UTP23: variants seen among roughly 807,000 people sequenced by gnomAD.
UTP23 encodes rRNA-processing protein UTP23 homolog.
Under a neutral mutation model 19.8 loss-of-function variants are expected in UTP23, and 10 were observed. The ratio of observed to expected loss-of-function variants is 0.50; its 90% CI spans 0.31 to 0.86. The LOEUF (loss-of-function observed/expected upper bound fraction) is 0.86, where lower values mean the gene tolerates loss of function less well. UTP23 is among the 40% of genes least tolerant of loss of function. The pLI is 0.05. For synonymous variants in UTP23, 108 were observed against 105.4 expected, an observed-to-expected ratio of 1.02 and a Z score of -0.15; for missense variants, 282 against 293.1, an observed-to-expected ratio of 0.96 and a Z score of 0.28.
Position 116,773,948 on chromosome 8 carries a change from CCCT to C in UTP23, c.*2107_*2109del. The C allele has an allele frequency of 1.0e-6, 1 of 985,216 alleles. No individual in the cohort carries two copies. Among genetic ancestry groups the C allele is most frequent in the Non-Finnish European group, 1.2e-6 (1 of 829,810 alleles). 61.0% of individuals were successfully genotyped at this position (985,216 alleles called of 1,614,324 possible). ...CAGTTTTTTTGTGTGTGAATACTAT[CCCT>C]ATACCACTACCCCTAAAACCTCAGA... On this transcript the variant is annotated 3_prime_UTR_variant, in exon 3 of 3. Transcript: ENST00000309822.
In UTP23 at chr8:116,773,810, A is replaced by AAAAT. The variant is rs776918011; in HGVS notation, c.*1983_*1986dup. On this transcript the variant is annotated 3_prime_UTR_variant, in exon 3 of 3. Coordinates refer to ENST00000309822, the MANE Select transcript of UTP23 (RefSeq NM_032334.3). ...GGTGAGAGAGTGAAACCCCGTCTCA[A>AAAAT]AAATAAATAAATAAATAAGTTTACT... The AAAAT allele has an allele frequency of 9.6e-6, 7 of 726,778 alleles. No individual in the cohort carries two copies. In the South Asian group the frequency reaches 3.8e-4, roughly 39 times the overall value. The allele number at this position is 726,778 out of a possible 1,614,324, so 45.0% of individuals were successfully genotyped here.
Position 116,770,191 on chromosome 8 carries a change from G to A in UTP23, c.189-1G>A. On this transcript the variant is annotated splice_acceptor_variant, in intron 1 of 2. Coordinates refer to ENST00000309822, the MANE Select transcript of UTP23 (RefSeq NM_032334.3). LOFTEE classifies it high-confidence loss of function. Reference sequence around the variant, plus strand: ...GTATCTGCTATAATTTTTCTTTTCAGATGTGTGTTAAAAGAGCTAGAAACA... The same window carrying A: ...GTATCTGCTATAATTTTTCTTTTCAAATGTGTGTTAAAAGAGCTAGAAACA... 1 of 1,588,638 alleles carries A rather than the reference G, an allele frequency of 6.3e-7. No homozygotes were observed. The highest frequency in any genetic ancestry group is 8.6e-7 in the Non-Finnish European group (1 of 1,161,856).
chr8:116,773,525 AT>A lies in UTP23; in HGVS notation c.*1687del. The A allele has an allele frequency of 1.0e-6, 1 of 982,308 alleles. No homozygotes were observed. The highest frequency in any genetic ancestry group is 1.2e-6 in the Non-Finnish European group (1 of 827,122). The allele number at this position is 982,308 out of a possible 1,614,324, so 60.8% of individuals were successfully genotyped here. A position where few individuals can be genotyped will look rare whatever the true frequency, so the allele number is the denominator to read the frequency against. ...ATTACAATGTATTAGTAAGTTTAAT[AT>A]TTTGACAGGGCATGGTGGCTCACAC... is the stretch of plus-strand genomic sequence containing the variant. On this transcript the variant is annotated 3_prime_UTR_variant, in exon 3 of 3. Coordinates refer to ENST00000309822, the MANE Select transcript of UTP23 (RefSeq NM_032334.3).
Position 116,766,696 on chromosome 8 carries a change from C to T in UTP23, c.93C>T (p.Asp31=). 1 of 1,613,544 alleles carries T rather than the reference C, an allele frequency of 6.2e-7. No individual in the cohort carries two copies. Among genetic ancestry groups the T allele is most frequent in the African/African-American group, 1.3e-5 (1 of 75,052 alleles). ...GVREPYQILL[D]GTFCQAALRG... ...GCGAGCCGTACCAGATCCTGCTGGACGGCACCTTCTGTCAGGCGGCGCTGC... is the reference window on the plus strand; with the variant it reads ...GCGAGCCGTACCAGATCCTGCTGGATGGCACCTTCTGTCAGGCGGCGCTGC... The change falls in exon 1 of 3, where the codon GAC becomes GAT. Residue 31 remains aspartate, a synonymous_variant. Coordinates refer to ENST00000309822, the MANE Select transcript of UTP23 (RefSeq NM_032334.3).
chr8:116,774,340 T>A lies in UTP23; in HGVS notation c.*2498T>A. On this transcript the variant is annotated 3_prime_UTR_variant, in exon 3 of 3. Coordinates refer to ENST00000309822, the MANE Select transcript of UTP23 (RefSeq NM_032334.3). ...CTTTAGAACAGCTTTGAAACTAGAG[T>A]TTCAAAGGTAAAAGGATCTCATGTT... 4 of 984,980 alleles carry A rather than the reference T, an allele frequency of 4.1e-6. No individual in the cohort carries two copies. Among genetic ancestry groups the A allele is most frequent in the Non-Finnish European group, 4.8e-6 (4 of 829,824 alleles). 61.0% of individuals were successfully genotyped at this position (984,980 alleles called of 1,614,324 possible).
At position 116,773,547 on chromosome 8, in the gene UTP23, C is replaced by A; in HGVS notation, c.*1705C>A. The A allele has an allele frequency of 1.0e-6, 1 of 968,386 alleles. No individual in the cohort carries two copies. The highest frequency in any genetic ancestry group is 1.8e-5 in the African/African-American group (1 of 56,922). The allele number at this position is 968,386 out of a possible 1,614,324, so 60.0% of individuals were successfully genotyped here. On this transcript the variant is annotated 3_prime_UTR_variant, in exon 3 of 3. Transcript: ENST00000309822. ...AATATTTTGACAGGGCATGGTGGCT[C>A]ACACCTGTAATCCCAGCACTTTGGG... is the stretch of plus-strand genomic sequence containing the variant.
Position 116,771,608 on chromosome 8 carries a change from A to G in UTP23, c.516A>G (p.Lys172=), listed in dbSNP as rs1364941508. 2 of 1,611,992 alleles carry G rather than the reference A, an allele frequency of 1.2e-6. No homozygotes were observed. Among genetic ancestry groups the G allele is most frequent in the Non-Finnish European group, 1.7e-6 (2 of 1,179,580 alleles). Reference sequence around the variant, plus strand: ...GTCAGCTTGTCTCAGTGCATGAGAAAGAAAGTATCAAACATCTCAAAGAGG... The same window carrying G: ...GTCAGCTTGTCTCAGTGCATGAGAAGGAAAGTATCAAACATCTCAAAGAGG... ...ESGQLVSVHE[K]ESIKHLKEEQ... is the part of the protein sequence containing the mutation. The change falls in exon 3 of 3, where the codon AAA becomes AAG. Residue 172 remains lysine, a synonymous_variant. Transcript: ENST00000309822.
At position 116,771,897 on chromosome 8, in the gene UTP23, A is replaced by G. The variant is rs1815661815; in HGVS notation, c.*55A>G. On this transcript the variant is annotated 3_prime_UTR_variant, in exon 3 of 3. Coordinates refer to ENST00000309822, the MANE Select transcript of UTP23 (RefSeq NM_032334.3). ...ATGTGAAAATGAATTTTTTACAACT[A>G]GAAGTATTTATAATAAAAGACCAAA... is the stretch of plus-strand genomic sequence containing the variant. 2.7e-6 allele frequency: 4 copies of G among 1,492,674 alleles called. No homozygotes were observed. The highest frequency in any genetic ancestry group is 2.9e-5 in the South Asian group (2 of 69,148). The allele number at this position is 1,492,674 out of a possible 1,614,324, so 92.5% of individuals were successfully genotyped here.
rs1815586293 is a variant in UTP23, at chr8:116,766,769, G to A, written c.166G>A (p.Glu56Lys). The change falls in exon 1 of 3, where the codon GAG becomes AAG. Residue 56 changes from glutamate to lysine, a missense_variant. Coordinates refer to ENST00000309822, the MANE Select transcript of UTP23 (RefSeq NM_032334.3). Reference sequence around the variant, plus strand: ...GCAGCTGCCCCGCTACCTCATGGGGGAGACGCAGCTGTGCACCACAAGGTG... The same window carrying A: ...GCAGCTGCCCCGCTACCTCATGGGGAAGACGCAGCTGTGCACCACAAGGTG... The part of the protein sequence containing the change: ...REQLPRYLMG[E>K]TQLCTTRCVL... 6.3e-7 allele frequency: 1 copy of A among 1,577,788 alleles called. No homozygotes were observed. The highest frequency in any genetic ancestry group is 1.4e-5 in the African/African-American group (1 of 73,968).
chr8:116,770,295 G>C lies in UTP23; in HGVS notation c.292G>C (p.Val98Leu). The change falls in exon 2 of 3, where the codon GTG (valine) becomes CTG (leucine). Residue 98 changes from valine to leucine, a missense_variant. Coordinates refer to ENST00000309822, the MANE Select transcript of UTP23 (RefSeq NM_032334.3). The part of the protein sequence containing the change: ...VRNCPHFKNA[V>L]SGSECLLSMV... ...AAATTGTCCTCATTTCAAGAATGCAGTGAGTGGATCAGAATGTCTGCTTTC... is the reference window on the plus strand; with the variant it reads ...AAATTGTCCTCATTTCAAGAATGCACTGAGTGGATCAGAATGTCTGCTTTC... 1.2e-6 allele frequency: 2 copies of C among 1,614,102 alleles called. No homozygotes were observed. The highest frequency in any genetic ancestry group is 8.5e-7 in the Non-Finnish European group (1 of 1,179,958).
chr8:116,770,193 T>C lies in UTP23; in HGVS notation c.190T>C (p.Cys64Arg), dbSNP rs1280763387. The change falls in exon 2 of 3, where the codon TGT (cysteine) becomes CGT (arginine). Residue 64 changes from cysteine to arginine, a missense_variant and splice_region_variant. Coordinates refer to ENST00000309822, the MANE Select transcript of UTP23 (RefSeq NM_032334.3). ...ATCTGCTATAATTTTTCTTTTCAGA[T>C]GTGTGTTAAAAGAGCTAGAAACATT... is the stretch of plus-strand genomic sequence containing the variant. ...MGETQLCTTRCVLKELETLGK... is the reference protein window; with the variant it reads ...MGETQLCTTRRVLKELETLGK... 3 of 1,590,826 alleles carry C rather than the reference T, an allele frequency of 1.9e-6. No individual in the cohort carries two copies. The African/African-American group carries it at 4.0e-5, about 21-fold the overall frequency.
intron 1 of UTP23, 142 bp from the exon 2 acceptor site, chr8:116,770,050 A>C: frequency 2.6e-6 from 2 of 768,524 alleles, no homozygotes; most frequent in African/African-American, 3.5e-5. Context: ...TGCATTTTTC[A>C]AGTGATCTTT....
chr8:116,772,969 A>G lies in UTP23; in HGVS notation c.*1127A>G, dbSNP rs970294280. ...ACACTAGAGCAGTGATTCTCAGTCT[A>G]ACATTAGGTTATCATGATGACGTAT... On this transcript the variant is annotated 3_prime_UTR_variant, in exon 3 of 3. Transcript: ENST00000309822. 19 of 985,398 alleles carry G rather than the reference A, an allele frequency of 1.9e-5. No homozygotes were observed. The South Asian group carries it at 7.5e-4, about 39-fold the overall frequency. 61.0% of individuals were successfully genotyped at this position (985,398 alleles called of 1,614,324 possible).
chr8:116,773,166 G>A lies in UTP23; in HGVS notation c.*1324G>A, dbSNP rs1815681527. On this transcript the variant is annotated 3_prime_UTR_variant, in exon 3 of 3. Transcript: ENST00000309822. ...GCCAAGGTAGTGTTTGGATTGCAAT[G>A]TCATGATTCTATTTTAAATTCTTGA... The A allele has an allele frequency of 1.0e-6, 1 of 985,288 alleles. No homozygotes were observed. The highest frequency in any genetic ancestry group is 1.2e-6 in the Non-Finnish European group (1 of 829,922). The allele number at this position is 985,288 out of a possible 1,614,324, so 61.0% of individuals were successfully genotyped here. A position where few individuals can be genotyped will look rare whatever the true frequency, so the allele number is the denominator to read the frequency against.
At chr8:116,766,881 C>G in intron 1 of UTP23, 90 bp downstream of exon 1, 2 of 1,309,312 alleles carry the variant, frequency 1.5e-6, no homozygotes, top group Admixed American at 2.9e-5. Context: ...ATTGCGAGCT[C>G]AGGAGGTGCA....
chr8:116,766,867 C>G, intron 1 of UTP23, 76 bp downstream of exon 1: 1 of 1,366,956 alleles, frequency 7.3e-7, no homozygotes, highest in East Asian at 2.6e-5. Flanking sequence ...GCTCACAGAC[C>G]TTCATTGCGA....
At position 116,771,707 on chromosome 8, in the gene UTP23, T is replaced by C. The variant is rs1490158308; in HGVS notation, c.615T>C (p.Leu205=). The C allele has an allele frequency of 6.2e-7, 1 of 1,612,978 alleles. No individual in the cohort carries two copies. The highest frequency in any genetic ancestry group is 8.5e-7 in the Non-Finnish European group (1 of 1,179,858). ...AGAAAATAAGTGGTCCCAATCCTCT[T>C]AGTTGTTTGAAGAAAAAGAAAAAGG... ...KRKKISGPNP[L]SCLKKKKKAP... is the part of the protein sequence containing the mutation. The change falls in exon 3 of 3, where the codon CTT becomes CTC. Residue 205 remains leucine (L), a synonymous_variant. Coordinates refer to ENST00000309822, the MANE Select transcript of UTP23 (RefSeq NM_032334.3).
In UTP23 at chr8:116,774,019, A is replaced by G; in HGVS notation, c.*2177A>G. 1.0e-6 allele frequency: 1 copy of G among 985,372 alleles called. No individual in the cohort carries two copies. Among genetic ancestry groups the G allele is most frequent in the South Asian group, 4.7e-5 (1 of 21,282 alleles). The allele number at this position is 985,372 out of a possible 1,614,324, so 61.0% of individuals were successfully genotyped here. ...TTCATACAACTTGGGGAAGGGAACCATGGGAGTATGCACATGGGATCATAA... is the reference window on the plus strand; with the variant it reads ...TTCATACAACTTGGGGAAGGGAACCGTGGGAGTATGCACATGGGATCATAA... On this transcript the variant is annotated 3_prime_UTR_variant, in exon 3 of 3. Coordinates refer to ENST00000309822, the MANE Select transcript of UTP23 (RefSeq NM_032334.3).
At chr8:116,771,350 A>G in intron 2 of UTP23, 106 bp from the exon 3 acceptor site, 5 of 1,004,232 alleles carry the variant, frequency 5.0e-6, no homozygotes, top group Non-Finnish European at 6.8e-6. Context: ...ACTCATTTGA[A>G]AAATAAAATC....
Sources: allele counts gnomAD v4.1 joint callset, GRCh38; gene constraint gnomAD v4.1.1; transcripts MANE v1.5; gene names NCBI Gene and HGNC (gene_info 2026-07-23, HGNC 2026-07-21).